The following RAB3GAP2 variants were observed in gnomAD, a reference collection of about 807,000 sequenced individuals.
The protein encoded by RAB3GAP2 is rab3 GTPase-activating protein non-catalytic subunit.
A neutral mutation model predicts 185.3 loss-of-function variants in RAB3GAP2; 87 were observed. The observed-to-expected ratio is 0.47, with a 90% CI of 0.39 to 0.56. The LOEUF is 0.56. Ranked by LOEUF, RAB3GAP2 falls within the 20% of genes least tolerant of loss-of-function variation. The probability of loss-of-function intolerance (pLI) is 0.00; values close to 1 mark genes in which losing one functional copy is unlikely to be tolerated. For synonymous variants in RAB3GAP2, 554 were observed against 576.1 expected (o/e 0.96, Z 0.55); for missense variants, 1,492 against 1,638.2 (o/e 0.91, Z 1.54).
intron 7 of RAB3GAP2, among the ~76,000 whole-genome samples, chr1:220,210,137 T>G (rs1375555173): frequency 3.3e-5 from 5 of 152,208 alleles, no homozygotes; most frequent in African/African-American, 1.2e-4. Flanking sequence ...ATAAGAAATT[T>G]TCTTGGCTTC....
intron 18 of RAB3GAP2, among the ~76,000 whole-genome samples, chr1:220,184,761 T>G (rs1166595234): frequency 2.0e-5 from 3 of 152,080 alleles, no homozygotes; most frequent in Non-Finnish European, 4.4e-5. Context: ...TTTAATAAAT[T>G]TTGGGATGTT....
chr1:220,181,828 T>C (rs1029547184), intron 21 of RAB3GAP2, among the ~76,000 whole-genome samples: 18 of 151,990 alleles, frequency 1.2e-4, no homozygotes, highest in African/African-American at 3.9e-4. Flanking sequence ...GCGGGGAGGA[T>C]TGCTTCAGGC....
intron 16 of RAB3GAP2, 41 bp downstream of exon 16, chr1:220,190,023 T>C (rs1044650483): frequency 6.9e-7 from 1 of 1,440,950 alleles, no homozygotes; most frequent in Non-Finnish European, 9.8e-7. Flanking sequence ...TAAAAGATGA[T>C]AGAACAATAT....
At position 220,195,469 on chromosome 1, in the gene RAB3GAP2, A is replaced by C. The variant is rs1658706653; in HGVS notation, c.961-92T>G. ...TAAAGCTTACTTTAAAATGCTTTGA[A>C]AAGTTGTAAAGGCTGGACTAGCAAC... On this transcript the variant is annotated intron_variant, in intron 10 of 34. Coordinates refer to ENST00000358951, the MANE Select transcript of RAB3GAP2 (RefSeq NM_012414.4). 6.6e-6 allele frequency: 8 copies of C among 1,209,934 alleles called. No individual in the cohort carries two copies. In the Admixed American group the frequency reaches 1.2e-4, roughly 18 times the overall value. 74.9% of individuals were successfully genotyped at this position (1,209,934 alleles called of 1,614,324 possible).
intron 3 of RAB3GAP2, 21 bp from the exon 4 acceptor site, chr1:220,212,989 TATAAA>T (rs1218332397): frequency 1.3e-5 from 20 of 1,554,484 alleles, no homozygotes; most frequent in Non-Finnish European, 1.6e-5. Context: ...TAAGATATCA[TATAAA>T]ATAATTTTAG....
chr1:220,190,212 C>T (rs1658589132), intron 15 of RAB3GAP2, 66 bp from the exon 16 acceptor site: 1 of 1,527,426 alleles, frequency 6.5e-7, no homozygotes. Context: ...TTCTGACACA[C>T]TCCAACTTTT....
At chr1:220,232,757 A>C (rs1458413795) in intron 2 of RAB3GAP2, 42 bp downstream of exon 2, 1 of 1,499,288 alleles carries the variant, frequency 6.7e-7, no homozygotes, top group East Asian at 2.3e-5. Context: ...CAAAAGGAAA[A>C]TGCCACTATC....
chr1:220,202,990 C>T (rs568237263), intron 8 of RAB3GAP2, among the ~76,000 whole-genome samples: 10 of 152,200 alleles, frequency 6.6e-5, no homozygotes, highest in African/African-American at 1.9e-4. Flanking sequence ...ATTCAAACTG[C>T]ATGTGATGCC....
chr1:220,159,428 TAAA>T lies in RAB3GAP2; in HGVS notation c.3226-10_3226-8del. On this transcript the variant is annotated splice_region_variant and splice_polypyrimidine_tract_variant and intron_variant, in intron 28 of 34. Coordinates refer to ENST00000358951, the MANE Select transcript of RAB3GAP2 (RefSeq NM_012414.4). ...CTTTTGGTGATTTTCCAACCTAAAA[TAAA>T]AAGATAAAATGTTGTAACATTTAAT... 1 of 1,581,040 alleles carries T rather than the reference TAAA, an allele frequency of 6.3e-7. No individual in the cohort carries two copies. The highest frequency in any genetic ancestry group is 8.7e-7 in the Non-Finnish European group (1 of 1,151,170).
intron 1 of RAB3GAP2, among the ~76,000 whole-genome samples, chr1:220,265,154 A>G (rs2102535777): frequency 6.6e-6 from 1 of 152,244 alleles, no homozygotes; most frequent in African/African-American, 2.4e-5. Context: ...GTATGATCTC[A>G]AACTAGAGAA....
chr1:220,205,155 T>C (rs191191140), intron 8 of RAB3GAP2, among the ~76,000 whole-genome samples: 13 of 152,198 alleles, frequency 8.5e-5, no homozygotes, highest in Admixed American at 8.5e-4. Context: ...AAAACAATAG[T>C]GTATCTTACA....
chr1:220,185,146 T>C (rs1436899124), intron 18 of RAB3GAP2, among the ~76,000 whole-genome samples: 2 of 152,194 alleles, frequency 1.3e-5, no homozygotes, highest in Non-Finnish European at 2.9e-5. Flanking sequence ...GGATGGAATA[T>C]GGTGTTACAA....
chr1:220,264,703 C>T (rs1660199266), intron 1 of RAB3GAP2, among the ~76,000 whole-genome samples: 1 of 151,800 alleles, frequency 6.6e-6, no homozygotes, highest in Admixed American at 6.6e-5. Flanking sequence ...GAATCCCATA[C>T]TGTTTCACAT....
Position 220,167,717 on chromosome 1 carries a change from CA to C in RAB3GAP2, c.2807-43del, listed in dbSNP as rs752786030. 36 of 1,593,656 alleles carry C rather than the reference CA, an allele frequency of 2.3e-5. No individual in the cohort carries two copies. The Admixed American group carries it at 2.3e-4, about 10-fold the overall frequency. On this transcript the variant is annotated intron_variant, in intron 24 of 34. Coordinates refer to ENST00000358951, the MANE Select transcript of RAB3GAP2 (RefSeq NM_012414.4). Reference sequence around the variant, plus strand: ...AGAAAGAAAATAAAAATTTACAACACACAGGGCAGTGTTTGCCAATGGGAGC... The same window carrying C: ...AGAAAGAAAATAAAAATTTACAACACCAGGGCAGTGTTTGCCAATGGGAGC...
intron 1 of RAB3GAP2, among the ~76,000 whole-genome samples, chr1:220,263,979 ACT>A (rs1257544460): frequency 6.6e-6 from 1 of 152,020 alleles, no homozygotes; most frequent in Non-Finnish European, 1.5e-5. Context: ...AACTATTATT[ACT>A]TTTTAAAACT....
In RAB3GAP2 at chr1:220,150,601, A is replaced by C. The variant is rs1395501029; in HGVS notation, c.*650T>G. The C allele has an allele frequency of 6.6e-6, 1 of 152,580 alleles. No individual in the cohort carries two copies. Among genetic ancestry groups the C allele is most frequent in the Non-Finnish European group, 1.5e-5 (1 of 68,034 alleles). The allele number at this position is 152,580 out of a possible 1,614,324, so 9.5% of individuals were successfully genotyped here. On this transcript the variant is annotated 3_prime_UTR_variant, in exon 35 of 35. Coordinates refer to ENST00000358951, the MANE Select transcript of RAB3GAP2 (RefSeq NM_012414.4). ...GCATTTTACACATCTCTGATTCTCA[A>C]TTTTGGCAAGTACAACAGGTTAAGG...
intron 1 of RAB3GAP2, among the ~76,000 whole-genome samples, chr1:220,235,045 C>T (rs1288702207): frequency 6.6e-6 from 1 of 152,136 alleles, no homozygotes. Context: ...GAGTAAGTGG[C>T]AGAGTACAGT....
At chr1:220,211,544 T>C (rs1469621896) in intron 4 of RAB3GAP2, among the ~76,000 whole-genome samples, 2 of 152,254 alleles carry the variant, frequency 1.3e-5, no homozygotes, top group Non-Finnish European at 2.9e-5. Flanking sequence ...ACTGCTCTGA[T>C]CATCTATTTC....
At chr1:220,244,184 A>ATC (rs1038587481) in intron 1 of RAB3GAP2, among the ~76,000 whole-genome samples, 17 of 152,356 alleles carry the variant, frequency 1.1e-4, no homozygotes, top group African/African-American at 4.1e-4. Context: ...AGGCCCCTGG[A>ATC]TCTGATAAGT....
Sources: gnomAD v4.1 joint callset for allele counts (sites outside exome capture counted in the v4.1 genomes callset) on GRCh38, gnomAD v4.1.1 for gene constraint, MANE v1.5 for transcripts, NCBI Gene and HGNC (gene_info 2026-07-23, HGNC 2026-07-21) for gene names.